DTHD1: variants seen among roughly 807,000 people sequenced by gnomAD.
DTHD1 encodes death domain containing 1.
Under a neutral mutation model 74.8 loss-of-function variants are expected in DTHD1, and 59 were observed. The observed-to-expected ratio is 0.79, with a 90% CI of 0.64 to 0.98. The LOEUF is 0.98. Among genes scored for constraint, DTHD1 ranks in the 50% least tolerant of loss-of-function variants. The pLI is 0.00. For missense variants in DTHD1, 1,051 were observed against 1,065.4 expected (o/e 0.99, Z 0.19); for synonymous variants, 365 against 371.1 (o/e 0.98, Z 0.19).
chr4:36,310,322 G>A (rs77554666), intron 7 of DTHD1, among the ~76,000 whole-genome samples: 12,191 of 152,188 alleles, frequency 0.08, 523 homozygotes, highest in Admixed American at 0.092. Flanking sequence ...AAGAGAAAAG[G>A]AAGAAAAAGA....
chr4:36,289,704 A>G (rs1243241420), intron 2 of DTHD1, among the ~76,000 whole-genome samples: 1 of 152,116 alleles, frequency 6.6e-6, no homozygotes, highest in African/African-American at 2.4e-5. Context: ...CTCAAATCTG[A>G]ATTCAAATCT....
intron 2 of DTHD1, 132 bp from the exon 3 acceptor site, chr4:36,290,241 A>G: frequency 6.4e-6 from 6 of 932,674 alleles, no homozygotes; most frequent in Non-Finnish European, 9.3e-6. Flanking sequence ...ATCTTGCCCA[A>G]GGTCACAGAG....
chr4:36,330,479 G>A (rs1758599347), intron 8 of DTHD1, among the ~76,000 whole-genome samples: 1 of 152,030 alleles, frequency 6.6e-6, no homozygotes, highest in African/African-American at 2.4e-5. Context: ...CACAAGGATG[G>A]GTGTGTATGT....
In DTHD1 at chr4:36,343,757, T is replaced by G. The variant is rs1400389184; in HGVS notation, c.2654T>G (p.Leu885Arg). The change falls in exon 10 of 10, where the codon CTC (leucine) becomes CGC (arginine). Residue 885 changes from leucine to arginine, a missense_variant. Coordinates refer to ENST00000639862, the MANE Select transcript of DTHD1 (RefSeq NM_001170700.3). ...KIGRSDLAEE[L>R]KFKWENKVFT... ...GGCAGGAGTGATCTTGCAGAAGAGC[T>G]CAAATTCAAGTGGGAAAATAAAGTG... 3.2e-6 allele frequency: 5 copies of G among 1,551,296 alleles called. No homozygotes were observed. The highest frequency in any genetic ancestry group is 1.7e-6 in the Non-Finnish European group (2 of 1,146,890).
At chr4:36,320,162 C>T (rs1214341775) in intron 8 of DTHD1, among the ~76,000 whole-genome samples, 6 of 151,992 alleles carry the variant, frequency 3.9e-5, no homozygotes, top group Admixed American at 2.0e-4. Context: ...TTTATTACCA[C>T]GGATATACTG....
At chr4:36,290,004 A>G (rs1238868503) in intron 2 of DTHD1, among the ~76,000 whole-genome samples, 1 of 152,206 alleles carries the variant, frequency 6.6e-6, no homozygotes, top group Admixed American at 6.5e-5. Context: ...TTTTACCAAG[A>G]AACTTCAGCA....
chr4:36,290,148 A>G (rs1260908019), intron 2 of DTHD1, among the ~76,000 whole-genome samples: 1 of 152,208 alleles, frequency 6.6e-6, no homozygotes. Flanking sequence ...TGGTTCATTT[A>G]ATTCAATTCA....
chr4:36,284,411 G>A lies in DTHD1; in HGVS notation c.707G>A (p.Arg236Lys), dbSNP rs547413369. 6.5e-7 allele frequency: 1 copy of A among 1,537,102 alleles called. No individual in the cohort carries two copies. Among genetic ancestry groups the A allele is most frequent in the Middle Eastern group, 1.7e-4 (1 of 5,990 alleles). Residue 236 changes from arginine to lysine, a missense_variant, in exon 2 of 10, where the codon AGG becomes AAG. By Grantham distance (26) the Arg-to-Lys change is conservative. Transcript: ENST00000639862. ...HMTVENINGNREETHGIIQTT... is the reference protein window; with the variant it reads ...HMTVENINGNKEETHGIIQTT... ...ACTGTTGAGAACATAAATGGCAACAGGGAAGAGACTCATGGCATAATTCAG... is the reference window on the plus strand; with the variant it reads ...ACTGTTGAGAACATAAATGGCAACAAGGAAGAGACTCATGGCATAATTCAG...
rs190801968 is a variant in DTHD1 at position 36,345,555 on chromosome 4, T to A, written c.*1731T>A. On this transcript the variant is annotated 3_prime_UTR_variant, in exon 10 of 10. Coordinates refer to ENST00000639862, the MANE Select transcript of DTHD1 (RefSeq NM_001170700.3). Reference sequence around the variant, plus strand: ...CCAGGGATTTAGATATCTATTCAGGTATATATCAAAAAAGGCGATTCCCAT... The same window carrying A: ...CCAGGGATTTAGATATCTATTCAGGAATATATCAAAAAAGGCGATTCCCAT... The A allele has an allele frequency of 1.3e-4, 20 of 152,276 alleles. No individual in the cohort carries two copies. In the East Asian group the frequency reaches 3.9e-3, roughly 29 times the overall value. The allele number at this position is 152,276 out of a possible 1,614,324, so 9.4% of individuals were successfully genotyped here.
At chr4:36,307,564 G>A (rs1474548748) in intron 6 of DTHD1, among the ~76,000 whole-genome samples, 1 of 152,174 alleles carries the variant, frequency 6.6e-6, no homozygotes, top group African/African-American at 2.4e-5. Flanking sequence ...ACATATGAAT[G>A]TGTATGTGTG....
rs866518992 is a variant in DTHD1, at chr4:36,317,647, T to C, written c.2340+1161T>C. Among the ~76,000 whole-genome samples the C allele has an allele frequency of 2.0e-5, 3 of 152,232 alleles. No homozygotes were observed. In the South Asian group the frequency reaches 6.2e-4, roughly 32 times the overall value. ...ATATGTATCTCAAATTATATGTCTA[T>C]GGAATAGTGCTTCTCTAAATGAATT... On this transcript the variant is annotated intron_variant, in intron 8 of 9. Coordinates refer to ENST00000639862, the MANE Select transcript of DTHD1 (RefSeq NM_001170700.3).
chr4:36,314,064 A>G (rs1757551566), intron 7 of DTHD1, among the ~76,000 whole-genome samples: 1 of 142,820 alleles, frequency 7.0e-6, no homozygotes, highest in Non-Finnish European at 1.5e-5. Flanking sequence ...GTCTCCTAGG[A>G]ATCTGTTTTT....
intron 5 of DTHD1, among the ~76,000 whole-genome samples, chr4:36,298,834 G>A (rs1756593819): frequency 6.6e-6 from 1 of 152,074 alleles, no homozygotes; most frequent in South Asian, 2.1e-4. Flanking sequence ...GAGTTAGACA[G>A]GAAAATGGTT....
intron 5 of DTHD1, among the ~76,000 whole-genome samples, chr4:36,304,604 A>C (rs1011686578): frequency 1.3e-5 from 2 of 152,190 alleles, no homozygotes; most frequent in African/African-American, 4.8e-5. Flanking sequence ...GTCTCCATTC[A>C]CATACCATGG....
chr4:36,344,646 A>ATGC lies in DTHD1; in HGVS notation c.*825_*827dup, dbSNP rs1759498961. ...TCAGTCCTAAGGTCTGTTGAAATTT[A>ATGC]TGCTGGCCAGCTTTTCCTGAATTCC... On this transcript the variant is annotated 3_prime_UTR_variant, in exon 10 of 10. Transcript: ENST00000639862. 6.6e-6 allele frequency: 1 copy of ATGC among 152,226 alleles called. No homozygotes were observed. Among genetic ancestry groups the ATGC allele is most frequent in the Admixed American group, 6.5e-5 (1 of 15,272 alleles). The allele number at this position is 152,226 out of a possible 1,614,324, so 9.4% of individuals were successfully genotyped here.
chr4:36,302,842 A>T (rs1210342897), intron 5 of DTHD1, among the ~76,000 whole-genome samples: 2 of 152,212 alleles, frequency 1.3e-5, no homozygotes, highest in African/African-American at 4.8e-5. Context: ...TAATGACTAA[A>T]TTATACTTTT....
chr4:36,313,493 G>A (rs540904436), intron 7 of DTHD1, among the ~76,000 whole-genome samples: 2 of 150,872 alleles, frequency 1.3e-5, no homozygotes, highest in South Asian at 2.1e-4. Context: ...TTGTTCAGGG[G>A]CCAGGAGTCT....
chr4:36,347,031 T>C lies in DTHD1; in HGVS notation c.*3207T>C, dbSNP rs1578507797. Among the ~76,000 whole-genome samples, 1 of 152,194 alleles carries C rather than the reference T, an allele frequency of 6.6e-6. No homozygotes were observed. Among genetic ancestry groups the C allele is most frequent in the East Asian group, 1.9e-4 (1 of 5,196 alleles). On this transcript the variant is annotated 3_prime_UTR_variant, in exon 10 of 10. Transcript: ENST00000639862. ...ACTATATTTCTCATTGAGACCCTGA[T>C]TGATACCTCTCTGCACACCTTTCTT... is the stretch of plus-strand genomic sequence containing the variant.
intron 8 of DTHD1, among the ~76,000 whole-genome samples, chr4:36,319,746 T>C (rs1757949815): frequency 6.6e-6 from 1 of 152,238 alleles, no homozygotes; most frequent in Non-Finnish European, 1.5e-5. Context: ...GTAGCCAAAT[T>C]AGTCAAGCCA....
Sources: gnomAD v4.1 joint callset for allele counts (sites outside exome capture counted in the v4.1 genomes callset) on GRCh38, gnomAD v4.1.1 for gene constraint, MANE v1.5 for transcripts, NCBI Gene and HGNC (gene_info 2026-07-23, HGNC 2026-07-21) for gene names.